FNDC7: variants seen among roughly 807,000 people sequenced by gnomAD.
FNDC7 encodes the protein fibronectin type III domain containing 7, also known as fibronectin type III domain-containing protein 7.
In FNDC7, 66 loss-of-function variants were observed where a neutral mutation model predicts 74.2. The observed-to-expected ratio is 0.89, with a 90% CI of 0.73 to 1.09. FNDC7 has a LOEUF of 1.09. Among genes scored for constraint, FNDC7 ranks in the 50% least tolerant of loss-of-function variants. The probability of loss-of-function intolerance (pLI) is 0.00; values close to 1 mark genes in which losing one functional copy is unlikely to be tolerated. For missense variants in FNDC7, 829 were observed against 893.4 expected (o/e 0.93, Z 0.92); for synonymous variants, 307 against 330.2 (o/e 0.93, Z 0.76).
intron 2 of FNDC7, among the ~76,000 whole-genome samples, chr1:108,714,668 A>G (rs1235144205): frequency 7.7e-6 from 1 of 129,326 alleles, no homozygotes; most frequent in Non-Finnish European, 1.5e-5. Context: ...GCAGTGGTGC[A>G]ATCTCGGTTC....
At position 108,714,174 on chromosome 1, in the gene FNDC7, A is replaced by G. The variant is rs112398706; in HGVS notation, c.82+645A>G. Among the ~76,000 whole-genome samples, 202 of 152,336 alleles carry G rather than the reference A, an allele frequency of 1.3e-3. 1 individual carries two copies. Among genetic ancestry groups the G allele is most frequent in the African/African-American group, 4.8e-3 (198 of 41,588 alleles). Reference sequence around the variant, plus strand: ...TGGAAATTTATTTTTAGGAGGGTTAACTTATCTGTAGGAACCACATAATAT... The same window carrying G: ...TGGAAATTTATTTTTAGGAGGGTTAGCTTATCTGTAGGAACCACATAATAT... On this transcript the variant is annotated intron_variant, in intron 2 of 12. Transcript: ENST00000370017.
chr1:108,714,211 C>G (rs189676001), intron 2 of FNDC7, among the ~76,000 whole-genome samples: 1 of 152,146 alleles, frequency 6.6e-6, no homozygotes, highest in East Asian at 1.9e-4. Flanking sequence ...AACCATATCA[C>G]CGATAAATTC....
intron 8 of FNDC7, 112 bp downstream of exon 8, chr1:108,728,998 A>G: frequency 3.7e-6 from 5 of 1,341,876 alleles, no homozygotes; most frequent in Non-Finnish European, 5.1e-6. Context: ...AATACATTAA[A>G]CTCAGAGACG....
Position 108,737,346 on chromosome 1 carries a change from C to G in FNDC7, c.2141-149C>G, listed in dbSNP as rs557189365. ...AAAGTGACTTGCCCAGGTCATACTG[C>G]TAGTAGTATCTCCTTCTCTTATCAC... On this transcript the variant is annotated intron_variant, in intron 10 of 12. Transcript: ENST00000370017. 6.9e-5 allele frequency: 39 copies of G among 566,836 alleles called. No homozygotes were observed. In the Middle Eastern group the frequency reaches 4.0e-3, roughly 58 times the overall value. The allele number at this position is 566,836 out of a possible 1,614,324, so 35.1% of individuals were successfully genotyped here.
intron 9 of FNDC7, 43 bp downstream of exon 9, chr1:108,730,971 A>T: frequency 1.3e-6 from 2 of 1,559,204 alleles, no homozygotes; most frequent in Non-Finnish European, 1.7e-6. Flanking sequence ...GGACTTGACT[A>T]TTATCAATCC....
In FNDC7 at chr1:108,730,764, A is replaced by G. The variant is rs1478413878; in HGVS notation, c.1715A>G (p.His572Arg). Reference protein sequence around the residue: ...SWTIGRVAQTHVAVLESHTGQ... With the variant: ...SWTIGRVAQTRVAVLESHTGQ... ...ACTATTGGGAGAGTGGCTCAAACCC[A>G]TGTTGCAGTTCTGGAGTCACACACT... is the stretch of plus-strand genomic sequence containing the variant. The change falls in exon 9 of 13, where the codon CAT (histidine) becomes CGT (arginine). Residue 572 changes from histidine to arginine, a missense_variant. Transcript: ENST00000370017. The G allele has an allele frequency of 1.2e-6, 2 of 1,613,982 alleles. No homozygotes were observed. Among genetic ancestry groups the G allele is most frequent in the Non-Finnish European group, 1.7e-6 (2 of 1,179,936 alleles).
intron 5 of FNDC7, among the ~76,000 whole-genome samples, chr1:108,723,690 A>G (rs1661145482): frequency 6.6e-6 from 1 of 152,240 alleles, no homozygotes; most frequent in Non-Finnish European, 1.5e-5. Context: ...AAAGCATAGC[A>G]GTTCTGAGTT....
In FNDC7 at chr1:108,717,774, CAGCTCCTGAA is replaced by C; in HGVS notation, c.83-1_91del. 1.3e-6 allele frequency: 2 copies of C among 1,551,492 alleles called. No individual in the cohort carries two copies. Among genetic ancestry groups the C allele is most frequent in the Non-Finnish European group, 1.7e-6 (2 of 1,146,772 alleles). On this transcript the variant is annotated splice_acceptor_variant and coding_sequence_variant, in exon 3 of 13. Coordinates refer to ENST00000370017, the MANE Select transcript of FNDC7 (RefSeq NM_001144937.3). LOFTEE classifies it high-confidence loss of function. ...TAATGTACAACTCTAAAACCTCTTT[CAGCTCCTGAA>C]ATACCCACTATTGATCAGGCATATT... is the stretch of plus-strand genomic sequence containing the variant.
At chr1:108,729,134 C>G (rs1436379570) in intron 8 of FNDC7, among the ~76,000 whole-genome samples, 1 of 152,176 alleles carries the variant, frequency 6.6e-6, no homozygotes, top group Non-Finnish European at 1.5e-5. Context: ...TTCTGCAAAA[C>G]ATTTATTTGA....
Position 108,730,827 on chromosome 1 carries a change from T to G in FNDC7, c.1778T>G (p.Leu593Arg), listed in dbSNP as rs1351667908. 6.2e-7 allele frequency: 1 copy of G among 1,613,854 alleles called. No individual in the cohort carries two copies. Among genetic ancestry groups the G allele is most frequent in the Non-Finnish European group, 8.5e-7 (1 of 1,179,940 alleles). Residue 593 changes from leucine to arginine, a missense_variant, in exon 9 of 13, where the codon CTC becomes CGC. Coordinates refer to ENST00000370017, the MANE Select transcript of FNDC7 (RefSeq NM_001144937.3). ...TGTCACACTCATCAAAACCACTGCC[T>G]CCTAGGATGCATCACATGTGGCATC... ...SKCHTHQNHC[L>R]LGCITCGINY...
intron 4 of FNDC7, among the ~76,000 whole-genome samples, chr1:108,720,554 G>A (rs1330701971): frequency 6.6e-6 from 1 of 152,174 alleles, no homozygotes; most frequent in Non-Finnish European, 1.5e-5. Flanking sequence ...TAGGGCTGCT[G>A]GAACCACAAA....
chr1:108,727,063 C>T (rs971955483), intron 6 of FNDC7, among the ~76,000 whole-genome samples: 6 of 152,100 alleles, frequency 3.9e-5, no homozygotes, highest in Non-Finnish European at 5.9e-5. Context: ...CAGTGGTTCA[C>T]GCCTGTAATC....
chr1:108,734,935 C>G (rs1465259894), intron 10 of FNDC7, among the ~76,000 whole-genome samples: 3 of 152,116 alleles, frequency 2.0e-5, no homozygotes. Context: ...AATGAGAAAA[C>G]TGAAGCTCAG....
At chr1:108,718,181 G>A in intron 3 of FNDC7, 150 bp downstream of exon 3, 1 of 1,133,762 alleles carries the variant, frequency 8.8e-7, no homozygotes, top group Non-Finnish European at 1.2e-6. Flanking sequence ...GATGCTGTTT[G>A]AGAATTCAGC....
intron 4 of FNDC7, among the ~76,000 whole-genome samples, chr1:108,719,662 C>T (rs1570725400): frequency 1.3e-5 from 2 of 152,044 alleles, no homozygotes; most frequent in Admixed American, 6.5e-5. Flanking sequence ...TCTCACCGTC[C>T]CACCTAGAGG....
chr1:108,741,051 A>T (rs566438680), intron 11 of FNDC7, among the ~76,000 whole-genome samples: 1 of 152,370 alleles, frequency 6.6e-6, no homozygotes, highest in South Asian at 2.1e-4. Flanking sequence ...ACTCTTCCAC[A>T]GACCTATTGA....
intron 9 of FNDC7, 97 bp downstream of exon 9, chr1:108,731,025 C>T (rs919089497): frequency 1.5e-6 from 2 of 1,328,902 alleles, no homozygotes; most frequent in African/African-American, 3.0e-5. Context: ...GCTGCATCTC[C>T]ACCTAGTTTG....
Position 108,728,537 on chromosome 1 carries a change from A to G in FNDC7, c.1370-95A>G, listed in dbSNP as rs1468086829. On this transcript the variant is annotated intron_variant, in intron 7 of 12. Transcript: ENST00000370017. ...ATGCATGACGTGGTTGAAAACTGTG[A>G]TGATCTCACTGGGGGCAAAATCAGT... 19 of 1,452,190 alleles carry G rather than the reference A, an allele frequency of 1.3e-5. No homozygotes were observed. The East Asian group carries it at 2.3e-4, about 17-fold the overall frequency. The allele number at this position is 1,452,190 out of a possible 1,614,324, so 90.0% of individuals were successfully genotyped here.
In FNDC7 at chr1:108,733,352, T is replaced by C. The variant is rs1205109125; in HGVS notation, c.1960T>C (p.Ser654Pro). ...IRIYWQASRG[S>P]ANYSTDLYGS... ...GATCTACTGGCAAGCCTCCAGGGGCTCTGCCAATTACAGCACTGACCTCTA... is the reference window on the plus strand; with the variant it reads ...GATCTACTGGCAAGCCTCCAGGGGCCCTGCCAATTACAGCACTGACCTCTA... Residue 654 changes from serine to proline, a missense_variant, in exon 10 of 13, where the codon TCT becomes CCT. Transcript: ENST00000370017. 1 of 1,614,168 alleles carries C rather than the reference T, an allele frequency of 6.2e-7. No homozygotes were observed. The highest frequency in any genetic ancestry group is 1.7e-5 in the Admixed American group (1 of 60,024).
Sources: gnomAD v4.1 joint callset for allele counts (sites outside exome capture counted in the v4.1 genomes callset) on GRCh38, gnomAD v4.1.1 for gene constraint, MANE v1.5 for transcripts, NCBI Gene and HGNC (gene_info 2026-07-23, HGNC 2026-07-21) for gene names.